The following AFAP1 variants were observed in gnomAD, a reference collection of about 807,000 sequenced individuals.
The protein encoded by AFAP1 is actin filament associated protein 1.
AFAP1 carries 75 observed loss-of-function variants against 93.9 expected under a neutral mutation model. That is an observed-to-expected ratio of 0.80 (90% CI 0.66 to 0.97). The LOEUF is 0.97. AFAP1 is among the 50% of genes least tolerant of loss of function. The pLI is 0.00. For missense variants in AFAP1, 1,201 were observed against 1,050.8 expected (o/e 1.14, Z -1.98); for synonymous variants, 517 against 430.7 (o/e 1.20, Z -2.48).
rs1713552087 is a variant in AFAP1, at chr4:7,760,002, T to G, written c.*3763A>C. On this transcript the variant is annotated 3_prime_UTR_variant, in exon 18 of 18. Coordinates refer to ENST00000420658, the MANE Select transcript of AFAP1 (RefSeq NM_001134647.2). ...AATTTACATCCCCCCAAATAGTGGG[T>G]GAGTAGAATTAATAGCCTTTTTGGA... 6.6e-6 allele frequency: 1 copy of G among 152,124 alleles called. No homozygotes were observed. Among genetic ancestry groups the G allele is most frequent in the African/African-American group, 2.4e-5 (1 of 41,396 alleles). 9.4% of individuals were successfully genotyped at this position (152,124 alleles called of 1,614,324 possible). A position where few individuals can be genotyped will look rare whatever the true frequency, so the allele number is the denominator to read the frequency against.
intron 8 of AFAP1, among the ~76,000 whole-genome samples, chr4:7,811,699 A>G (rs1255141547): frequency 6.6e-6 from 1 of 152,096 alleles, no homozygotes; most frequent in Non-Finnish European, 1.5e-5. Context: ...AAGGCGCGGG[A>G]GGGGAGCCGC....
chr4:7,938,464 T>C (rs1054144541), intron 1 of AFAP1, among the ~76,000 whole-genome samples: 20 of 151,962 alleles, frequency 1.3e-4, no homozygotes, highest in African/African-American at 4.4e-4. Flanking sequence ...CACTAAGGAG[T>C]GATTCCACTT....
At chr4:7,827,197 G>A (rs939447419) in intron 6 of AFAP1, among the ~76,000 whole-genome samples, 1 of 152,096 alleles carries the variant, frequency 6.6e-6, no homozygotes, top group South Asian at 2.1e-4. Context: ...GGCACGGAAG[G>A]AGTGAAGGAA....
rs1169621555 is a variant in AFAP1 at position 7,781,449 on chromosome 4, T to A, written c.1709A>T (p.Lys570Ile). The A allele has an allele frequency of 3.9e-6, 6 of 1,551,890 alleles. No homozygotes were observed. Among genetic ancestry groups the A allele is most frequent in the African/African-American group, 1.4e-5 (1 of 72,974 alleles). Residue 570 changes from lysine (K) to isoleucine (I), a missense_variant, in exon 13 of 18, where the codon AAA becomes ATA. Transcript: ENST00000420658. ...GACAGACTGAGCGGAGGCAGGGTAT[T>A]TGTAATGGTTAGAGGACAGCTTGTC... ...SADKLSSNHY[K>I]YPASAQSVTN...
chr4:7,775,950 A>G (rs1177497088), intron 14 of AFAP1: 2 of 152,222 alleles, frequency 1.3e-5, no homozygotes, highest in African/African-American at 2.4e-5. Context: ...TCACCAGTGA[A>G]AACAGCTTTC....
chr4:7,855,411 G>A, intron 4 of AFAP1, 55 bp downstream of exon 4: 2 of 1,372,468 alleles, frequency 1.5e-6, no homozygotes, highest in Non-Finnish European at 2.0e-6. Flanking sequence ...GACAGGCTCT[G>A]CAACAGTCCT....
intron 1 of AFAP1, among the ~76,000 whole-genome samples, chr4:7,930,604 G>A (rs113090253): frequency 0.025 from 3,756 of 152,220 alleles, 146 homozygotes; most frequent in African/African-American, 0.084. Context: ...AAAAGTCTTA[G>A]AAGCTCTTGT....
intron 12 of AFAP1, among the ~76,000 whole-genome samples, chr4:7,785,523 AAT>A (rs1359848579): frequency 2.6e-5 from 4 of 152,228 alleles, no homozygotes; most frequent in African/African-American, 9.6e-5. Flanking sequence ...CCCATCGGGA[AAT>A]AACTACTCAT....
chr4:7,879,562 C>T (rs900325658), intron 1 of AFAP1, among the ~76,000 whole-genome samples: 7 of 152,136 alleles, frequency 4.6e-5, no homozygotes, highest in Admixed American at 3.9e-4. Flanking sequence ...GATCTGACCA[C>T]GGAATTTAGC....
intron 1 of AFAP1, among the ~76,000 whole-genome samples, chr4:7,911,053 C>T (rs762577861): frequency 5.3e-5 from 8 of 151,960 alleles, no homozygotes; most frequent in Non-Finnish European, 1.0e-4. Flanking sequence ...AAGCCATAAA[C>T]GCACGGGACA....
At chr4:7,900,743 C>A (rs1486945638) in intron 1 of AFAP1, among the ~76,000 whole-genome samples, 1 of 152,204 alleles carries the variant, frequency 6.6e-6, no homozygotes, top group Admixed American at 6.5e-5. Context: ...CGGATAAACA[C>A]TGCAACATTT....
chr4:7,772,557 A>G (rs1356798979), intron 16 of AFAP1: 3 of 464,376 alleles, frequency 6.5e-6, no homozygotes, highest in African/African-American at 2.0e-5. Flanking sequence ...TCTGTTCTAA[A>G]CAGATTGTGC....
At chr4:7,798,927 T>A in intron 10 of AFAP1, 1 of 987,198 alleles carries the variant, frequency 1.0e-6, no homozygotes, top group Non-Finnish European at 1.2e-6. Flanking sequence ...TCCTTCTCCT[T>A]GCAACCCTTC....
intron 13 of AFAP1, chr4:7,779,115 C>T (rs967223508): frequency 1.3e-4 from 63 of 498,588 alleles, no homozygotes; most frequent in Non-Finnish European, 1.9e-4. Context: ...TCCGCTGGAA[C>T]ACTGCAGAAG....
intron 1 of AFAP1, among the ~76,000 whole-genome samples, chr4:7,901,648 G>A (rs1452636381): frequency 6.6e-6 from 1 of 152,228 alleles, no homozygotes; most frequent in Non-Finnish European, 1.5e-5. Context: ...AGCCAGGGAA[G>A]GACCTGTGAT....
At chr4:7,766,930 T>C (rs1220291343) in intron 17 of AFAP1, among the ~76,000 whole-genome samples, 1 of 151,844 alleles carries the variant, frequency 6.6e-6, no homozygotes, top group Non-Finnish European at 1.5e-5. Context: ...ATTTCAGGAA[T>C]ACCGCAGCGG....
At chr4:7,874,272 C>G (rs1474886282) in intron 1 of AFAP1, among the ~76,000 whole-genome samples, 1 of 150,322 alleles carries the variant, frequency 6.7e-6, no homozygotes, top group Non-Finnish European at 1.5e-5. Context: ...GGTGTAGTAT[C>G]AAAGAAGAAT....
At chr4:7,815,902 C>T (rs767137337) in intron 8 of AFAP1, 116 bp downstream of exon 8, 1 of 878,042 alleles carries the variant, frequency 1.1e-6, no homozygotes, top group Non-Finnish European at 1.7e-6. Context: ...GATATCTACA[C>T]ATCTGAATCA....
intron 16 of AFAP1, among the ~76,000 whole-genome samples, chr4:7,771,489 C>G (rs1243324005): frequency 6.6e-6 from 1 of 152,068 alleles, no homozygotes; most frequent in Non-Finnish European, 1.5e-5. Context: ...ATGATATCAA[C>G]AAGCAATTGT....
Sources: gnomAD v4.1 joint callset for allele counts (sites outside exome capture counted in the v4.1 genomes callset) on GRCh38, gnomAD v4.1.1 for gene constraint, MANE v1.5 for transcripts, NCBI Gene and HGNC (gene_info 2026-07-23, HGNC 2026-07-21) for gene names.